The following PCDHGA2 variants were observed in gnomAD, a reference collection of about 807,000 sequenced individuals.
The protein encoded by PCDHGA2 is protocadherin gamma subfamily A, 2.
Under a neutral mutation model 59.2 loss-of-function variants are expected in PCDHGA2, and 40 were observed. The ratio of observed to expected loss-of-function variants is 0.68; its 90% CI spans 0.52 to 0.88. The LOEUF is 0.88. Ranked by LOEUF, PCDHGA2 falls within the 40% of genes least tolerant of loss-of-function variation. The pLI is 0.00. For missense variants in PCDHGA2, 1,226 were observed against 1,204.0 expected, an observed-to-expected ratio of 1.02 and a Z score of -0.27; for synonymous variants, 560 against 526.0, an observed-to-expected ratio of 1.06 and a Z score of -0.89.
chr5:141,474,244 A>G (rs910247549), intron 1 of PCDHGA2, among the ~76,000 whole-genome samples: 26 of 152,270 alleles, frequency 1.7e-4, no homozygotes, highest in Non-Finnish European at 3.2e-4. Context: ...TGAATAGGGG[A>G]AAAAAAGACT....
rs1367772661 is a variant in PCDHGA2, at chr5:141,512,193, GGAAGCTC to G, written c.*1026_*1032del. 2.0e-5 allele frequency: 3 copies of G among 152,756 alleles called. No homozygotes were observed. Among genetic ancestry groups the G allele is most frequent in the Non-Finnish European group, 4.4e-5 (3 of 68,136 alleles). 9.5% of individuals were successfully genotyped at this position (152,756 alleles called of 1,614,324 possible). ...GGATTAAACTGGCATTTCAGTCCAAGGAAGCTCGAAGCAGGTTTAGGACCAGGTCCCC... is the reference window on the plus strand; with the variant it reads ...GGATTAAACTGGCATTTCAGTCCAAGGAAGCAGGTTTAGGACCAGGTCCCC... On this transcript the variant is annotated 3_prime_UTR_variant, in exon 4 of 4. Coordinates refer to ENST00000394576, the MANE Select transcript of PCDHGA2 (RefSeq NM_018915.4).
At chr5:141,466,296 A>G (rs2099120415) in intron 1 of PCDHGA2, among the ~76,000 whole-genome samples, 1 of 152,136 alleles carries the variant, frequency 6.6e-6, no homozygotes. Flanking sequence ...TCAGGCTCCC[A>G]AGTAGCTGGG....
intron 1 of PCDHGA2, chr5:141,355,670 C>G (rs1759931772): frequency 6.2e-7 from 1 of 1,614,014 alleles, no homozygotes; most frequent in Non-Finnish European, 8.5e-7. Context: ...CTTCCTGAAG[C>G]TTTTGATCCG....
At chr5:141,436,071 A>G (rs1419598304) in intron 1 of PCDHGA2, among the ~76,000 whole-genome samples, 1 of 152,222 alleles carries the variant, frequency 6.6e-6, no homozygotes. Context: ...TAATAAGTAC[A>G]GTGTTCTATA....
rs1436956912 is a variant in PCDHGA2, at chr5:141,438,609, TATATATATATATATATATATATATATAC to T, written c.2425-56196_2425-56169del. Reference sequence around the variant, plus strand: ...ATACATACATATATATATATATATATATATATATATATATATATATATATATACACACACACACACACATATATGTATA... The same window carrying T: ...ATACATACATATATATATATATATATACACACACACACACATATATGTATA... On this transcript the variant is annotated intron_variant, in intron 1 of 3. Coordinates refer to ENST00000394576, the MANE Select transcript of PCDHGA2 (RefSeq NM_018915.4). Among the ~76,000 whole-genome samples the T allele has an allele frequency of 2.2e-3, 92 of 41,082 alleles. 2 individuals are homozygous for T. Among genetic ancestry groups the T allele is most frequent in the East Asian group, 7.4e-3 (6 of 810 alleles). The allele number at this position is 41,082 out of a possible 152,430, so 27.0% of individuals were successfully genotyped here.
At chr5:141,400,404 GT>G (rs2094016313) in intron 1 of PCDHGA2, 1 of 1,613,948 alleles carries the variant, frequency 6.2e-7, no homozygotes, top group South Asian at 1.1e-5. Flanking sequence ...GAAAGACGGA[GT>G]TTAATTTCCT....
At chr5:141,356,973 G>A in intron 1 of PCDHGA2, 2 of 1,614,266 alleles carry the variant, frequency 1.2e-6, no homozygotes, top group East Asian at 2.2e-5. Flanking sequence ...TGACCAAAGT[G>A]GTGGCAGTGG....
chr5:141,421,468 C>A (rs759548375), intron 1 of PCDHGA2: 9 of 1,614,096 alleles, frequency 5.6e-6, no homozygotes, highest in Non-Finnish European at 5.9e-6. Flanking sequence ...TGTGAATCCG[C>A]GAAGCGGCAG....
In PCDHGA2 at chr5:141,339,716, A is replaced by G. The variant is rs150706052; in HGVS notation, c.745A>G (p.Ile249Val). Reference protein sequence around the residue: ...APVFTQPEYRISIPENTLVGT... With the variant: ...APVFTQPEYRVSIPENTLVGT... ...TGTTTTTACACAGCCCGAGTACCGCATAAGCATTCCGGAGAATACGCTCGT... is the reference window on the plus strand; with the variant it reads ...TGTTTTTACACAGCCCGAGTACCGCGTAAGCATTCCGGAGAATACGCTCGT... Residue 249 changes from isoleucine to valine, a missense_variant, in exon 1 of 4, where the codon ATA becomes GTA. By Grantham distance (29) the Ile-to-Val change is conservative (BLOSUM62 3). Coordinates refer to ENST00000394576, the MANE Select transcript of PCDHGA2 (RefSeq NM_018915.4). The G allele has an allele frequency of 2.5e-6, 4 of 1,614,066 alleles. No homozygotes were observed. In the African/African-American group the frequency reaches 4.0e-5, roughly 16 times the overall value.
At chr5:141,452,554 G>A (rs2098744143) in intron 1 of PCDHGA2, among the ~76,000 whole-genome samples, 1 of 152,140 alleles carries the variant, frequency 6.6e-6, no homozygotes, top group Admixed American at 6.5e-5. Context: ...TCCAGTTCTG[G>A]TTCTTCCTAG....
At chr5:141,499,606 C>T (rs2099792968) in intron 2 of PCDHGA2, among the ~76,000 whole-genome samples, 1 of 152,028 alleles carries the variant, frequency 6.6e-6, no homozygotes, top group African/African-American at 2.4e-5. Context: ...TATCCCTACC[C>T]TTATCCTGTC....
At chr5:141,387,911 C>G (rs2091149943) in intron 1 of PCDHGA2, 8 of 1,495,982 alleles carry the variant, frequency 5.3e-6, no homozygotes, top group Non-Finnish European at 7.1e-6. Flanking sequence ...GGGAGCTGGG[C>G]CGGGCTGAGA....
intron 1 of PCDHGA2, among the ~76,000 whole-genome samples, chr5:141,435,225 A>G (rs919735003): frequency 5.9e-5 from 9 of 152,188 alleles, no homozygotes; most frequent in Non-Finnish European, 1.2e-4. Context: ...CTTTCTTTCA[A>G]AGTTCAGTAA....
chr5:141,451,001 A>T (rs909477017), intron 1 of PCDHGA2, among the ~76,000 whole-genome samples: 2 of 148,266 alleles, frequency 1.3e-5, no homozygotes, highest in Middle Eastern at 3.4e-3. Context: ...ATTTTTTTGT[A>T]TTTTTTTTAG....
chr5:141,500,188 A>T (rs182086759), intron 2 of PCDHGA2, among the ~76,000 whole-genome samples: 173 of 98,190 alleles, frequency 1.8e-3, no homozygotes, highest in African/African-American at 4.0e-3. Flanking sequence ...TTTTATTTTT[A>T]TTTATTTATT....
intron 1 of PCDHGA2, among the ~76,000 whole-genome samples, chr5:141,425,603 A>G (rs2096884807): frequency 6.6e-6 from 1 of 152,218 alleles, no homozygotes; most frequent in Non-Finnish European, 1.5e-5. Context: ...TATGCCCTAT[A>G]TAGCTTTCAG....
chr5:141,340,616 A>C lies in PCDHGA2; in HGVS notation c.1645A>C (p.Ser549Arg), dbSNP rs146288793. ...TCCACTCAGTAGCAATGTATCATTA[A>C]GCCTGTTCGTGCTGGACCAGAACGA... ...NPPLSSNVSL[S>R]LFVLDQNDNA... is the part of the protein sequence containing the mutation. The change falls in exon 1 of 4, where the codon AGC becomes CGC. Residue 549 changes from serine (S) to arginine (R), a missense_variant. Physicochemically the swap from Ser to Arg is moderately radical, Grantham distance 110. Transcript: ENST00000394576. The C allele has an allele frequency of 1.2e-6, 2 of 1,614,044 alleles. No homozygotes were observed. The highest frequency in any genetic ancestry group is 2.7e-5 in the African/African-American group (2 of 74,934).
intron 1 of PCDHGA2, among the ~76,000 whole-genome samples, chr5:141,458,726 C>T (rs1301761231): frequency 1.3e-5 from 2 of 151,992 alleles, no homozygotes; most frequent in African/African-American, 4.8e-5. Flanking sequence ...TTCGCCACCA[C>T]ATCCAGCTAT....
chr5:141,358,211 G>C (rs1760853496), intron 1 of PCDHGA2, among the ~76,000 whole-genome samples: 1 of 152,100 alleles, frequency 6.6e-6, no homozygotes, highest in South Asian at 2.1e-4. Flanking sequence ...ATAAAATAAA[G>C]TAAAATAAAG....
Sources: gnomAD v4.1 joint callset for allele counts (sites outside exome capture counted in the v4.1 genomes callset) on GRCh38, gnomAD v4.1.1 for gene constraint, MANE v1.5 for transcripts, NCBI Gene and HGNC (gene_info 2026-07-23, HGNC 2026-07-21) for gene names.